The following ACBD5 variants were observed in gnomAD, a reference collection of about 807,000 sequenced individuals.
ACBD5 encodes acyl-CoA-binding domain-containing protein 5.
Under a neutral mutation model 71.8 loss-of-function variants are expected in ACBD5, and 40 were observed. The observed-to-expected ratio is 0.56, with a 90% CI of 0.43 to 0.72. The LOEUF (loss-of-function observed/expected upper bound fraction) is 0.72, where lower values mean the gene tolerates loss of function less well. Among genes scored for constraint, ACBD5 ranks in the 30% least tolerant of loss-of-function variants. ACBD5 has a pLI of 0.00. For missense variants in ACBD5, 559 were observed against 644.5 expected (o/e 0.87, Z 1.44); for synonymous variants, 229 against 218.6 (o/e 1.05, Z -0.42).
At chr10:27,219,991 T>C (rs1216437300) in intron 5 of ACBD5, 134 bp from the exon 6 acceptor site, 2 of 617,170 alleles carry the variant, frequency 3.2e-6, no homozygotes, top group Non-Finnish European at 4.6e-6. Context: ...TATAATAGTA[T>C]TATTTTCTTT....
At position 27,197,201 on chromosome 10, in the gene ACBD5, A is replaced by G. The variant is rs1328827451; in HGVS notation, c.*229T>C. 3.2e-6 allele frequency: 2 copies of G among 624,286 alleles called. No homozygotes were observed. The highest frequency in any genetic ancestry group is 3.0e-5 in the East Asian group (1 of 32,948). The allele number at this position is 624,286 out of a possible 1,614,324, so 38.7% of individuals were successfully genotyped here. ...CAGGGTAAATCTGTGTATACTACTTATAACCTAGTAGAGATTGATTATTCA... is the reference window on the plus strand; with the variant it reads ...CAGGGTAAATCTGTGTATACTACTTGTAACCTAGTAGAGATTGATTATTCA... On this transcript the variant is annotated 3_prime_UTR_variant, in exon 13 of 13. Coordinates refer to ENST00000396271, the MANE Select transcript of ACBD5 (RefSeq NM_145698.5).
At chr10:27,213,901 A>G (rs2061364935) in intron 8 of ACBD5, among the ~76,000 whole-genome samples, 1 of 152,216 alleles carries the variant, frequency 6.6e-6, no homozygotes, top group East Asian at 1.9e-4. Context: ...ACAATAGCCA[A>G]GATTTGGAAG....
chr10:27,183,341 T>C (rs2058437230), intron 13 of ACBD5, among the ~76,000 whole-genome samples: 1 of 152,142 alleles, frequency 6.6e-6, no homozygotes, highest in South Asian at 2.1e-4. Flanking sequence ...GTGCATGCAG[T>C]GGTGTGATCT....
intron 11 of ACBD5, 130 bp downstream of exon 11, chr10:27,205,068 A>T: frequency 1.2e-6 from 1 of 807,366 alleles, no homozygotes; most frequent in Non-Finnish European, 2.0e-6. Flanking sequence ...CAGAGCTTGC[A>T]GTGAGCTGAG....
Position 27,230,539 on chromosome 10 carries a change from G to A in ACBD5, c.375+1209C>T, listed in dbSNP as rs563240411. On this transcript the variant is annotated intron_variant, in intron 4 of 12. Transcript: ENST00000396271. ...CTGCCGGGCATGGTGGCTAACGCCC[G>A]TAATCCCAGAACTTTGGGAGGCCAA... 1.4e-3 allele frequency among the ~76,000 whole-genome samples: 215 copies of A among 152,238 alleles called. 2 individuals carry two copies. Among genetic ancestry groups the A allele is most frequent in the African/African-American group, 4.9e-3 (205 of 41,544 alleles).
intron 8 of ACBD5, among the ~76,000 whole-genome samples, chr10:27,211,570 C>T (rs950796183): frequency 7.9e-5 from 12 of 152,160 alleles, no homozygotes; most frequent in South Asian, 2.1e-4. Context: ...CCGCCCACCT[C>T]GGCCTCCCAA....
intron 8 of ACBD5, among the ~76,000 whole-genome samples, chr10:27,213,144 G>A (rs901231835): frequency 3.9e-5 from 6 of 152,050 alleles, no homozygotes; most frequent in Non-Finnish European, 4.4e-5. Flanking sequence ...AATACATAAG[G>A]AGCGTAAACA....
Position 27,240,650 on chromosome 10 carries a change from C to A in ACBD5, c.15+24G>T, listed in dbSNP as rs1160671019. On this transcript the variant is annotated intron_variant, in intron 1 of 12. Coordinates refer to ENST00000396271, the MANE Select transcript of ACBD5 (RefSeq NM_145698.5). The surrounding 1 kb of genome is among the most constrained non-coding windows in gnomAD (Gnocchi z 4.1). Reference sequence around the variant, plus strand: ...CGTGACTAAGGCCACGAATCCGGCCCGCGACGACAGCAAAACAACTCACCG... The same window carrying A: ...CGTGACTAAGGCCACGAATCCGGCCAGCGACGACAGCAAAACAACTCACCG... 3 of 1,551,156 alleles carry A rather than the reference C, an allele frequency of 1.9e-6. No individual in the cohort carries two copies. Among genetic ancestry groups the A allele is most frequent in the Non-Finnish European group, 2.6e-6 (3 of 1,146,972 alleles).
At chr10:27,199,238 G>C (rs1257187105) in intron 12 of ACBD5, among the ~76,000 whole-genome samples, 1 of 151,238 alleles carries the variant, frequency 6.6e-6, no homozygotes, top group African/African-American at 2.4e-5. Flanking sequence ...GCCCAGGCTG[G>C]AGTGCAGTGG....
At chr10:27,205,159 T>G (rs750860605) in intron 11 of ACBD5, 39 bp downstream of exon 11, 3 of 1,587,686 alleles carry the variant, frequency 1.9e-6, no homozygotes, top group East Asian at 2.2e-5. Context: ...AAAAAACATA[T>G]GAAACCCTGG....
At chr10:27,186,960 C>CAT (rs1296756586) in intron 13 of ACBD5, 1 of 243,652 alleles carries the variant, frequency 4.1e-6, no homozygotes. Flanking sequence ...CCTTCAAAAG[C>CAT]TGTGTTCTTG....
At chr10:27,186,271 AAG>A in intron 13 of ACBD5, 1 of 1,133,684 alleles carries the variant, frequency 8.8e-7, no homozygotes, top group South Asian at 1.3e-5. Flanking sequence ...TGACATAATA[AAG>A]TAAGGTAAGT....
At chr10:27,200,901 G>A (rs903716123) in intron 12 of ACBD5, among the ~76,000 whole-genome samples, 1 of 152,150 alleles carries the variant, frequency 6.6e-6, no homozygotes, top group East Asian at 1.9e-4. Flanking sequence ...GGCCAGGCAT[G>A]GTGGCTCAGT....
chr10:27,223,227 T>G, intron 5 of ACBD5, 111 bp downstream of exon 5: 1 of 798,982 alleles, frequency 1.3e-6, no homozygotes, highest in Middle Eastern at 2.2e-4. Flanking sequence ...TTTAGAGATT[T>G]TCTCCAGTCG....
At chr10:27,220,224 C>T (rs1782257217) in intron 5 of ACBD5, 3 of 158,524 alleles carry the variant, frequency 1.9e-5, no homozygotes, top group African/African-American at 4.8e-5. Context: ...GTTCTACCAA[C>T]AATCTCATCA....
chr10:27,218,264 T>G, intron 6 of ACBD5, 81 bp from the exon 7 acceptor site: 1 of 1,115,306 alleles, frequency 9.0e-7, no homozygotes, highest in Non-Finnish European at 1.4e-6. Flanking sequence ...ATCCAGCTGT[T>G]ATTTCCCTAA....
chr10:27,241,107 C>T (rs1415791395), upstream of ACBD5, among the ~76,000 whole-genome samples: 2 of 152,234 alleles, frequency 1.3e-5, no homozygotes, highest in Admixed American at 1.3e-4. Flanking sequence ...TTGGGTTCTG[C>T]ACCTGGGCCC....
At chr10:27,186,681 C>A in intron 13 of ACBD5, 1 of 784,302 alleles carries the variant, frequency 1.3e-6, no homozygotes, top group Non-Finnish European at 2.2e-6. Flanking sequence ...ACAGCTTTCA[C>A]AGAGTTAAAA....
Position 27,240,551 on chromosome 10 carries a change from T to G in ACBD5, c.16-67A>C. 6.5e-7 allele frequency: 1 copy of G among 1,549,380 alleles called. No individual in the cohort carries two copies. Among genetic ancestry groups the G allele is most frequent in the Non-Finnish European group, 8.7e-7 (1 of 1,145,430 alleles). ...GGAGGAGGCCCGGGAGCGAAGCGGG[T>G]CAGTTCCCCTTTGCCCTGCCCTATC... On this transcript the variant is annotated intron_variant, in intron 1 of 12. Transcript: ENST00000396271. The surrounding 1 kb of genome is among the most constrained non-coding windows in gnomAD (Gnocchi z 4.1).
Sources: gnomAD v4.1 joint callset for allele counts (sites outside exome capture counted in the v4.1 genomes callset) on GRCh38, gnomAD v4.1.1 for gene constraint, Gnocchi (gnomAD v3.1) non-coding constraint, MANE v1.5 for transcripts, NCBI Gene and HGNC (gene_info 2026-07-23, HGNC 2026-07-21) for gene names.